PCDHGA10: variants seen among roughly 807,000 people sequenced by gnomAD.
The protein encoded by PCDHGA10 is protocadherin gamma subfamily A, 10.
PCDHGA10 carries 42 observed loss-of-function variants against 59.5 expected under a neutral mutation model. The observed-to-expected ratio is 0.71, with a 90% confidence interval of 0.55 to 0.91. The LOEUF (loss-of-function observed/expected upper bound fraction) is 0.91, where lower values mean the gene tolerates loss of function less well. Ranked by LOEUF, PCDHGA10 falls within the 40% of genes least tolerant of loss-of-function variation. The pLI, the probability that PCDHGA10 is intolerant of heterozygous loss-of-function variation, is 0.00. For synonymous variants in PCDHGA10, 511 were observed against 517.2 expected (o/e 0.99, Z 0.16); for missense variants, 1,111 against 1,198.2 (o/e 0.93, Z 1.07).
intron 2 of PCDHGA10, among the ~76,000 whole-genome samples, chr5:141,502,787 G>T (rs2099816081): frequency 6.6e-6 from 1 of 151,394 alleles, no homozygotes; most frequent in African/African-American, 2.4e-5. Flanking sequence ...TTACCTGGAT[G>T]ATTTCTTCAG....
At position 141,489,590 on chromosome 5, in the gene PCDHGA10, T is replaced by C; in HGVS notation, c.2437-5217T>C. The C allele has an allele frequency of 6.2e-7, 1 of 1,614,044 alleles. No homozygotes were observed. Among genetic ancestry groups the C allele is most frequent in the Non-Finnish European group, 8.5e-7 (1 of 1,179,984 alleles). ...GTGACTGAACACCCCCTGGAGCTAA[T>C]CCGTGTAGAGGTAGAGATCCTGGAT... On this transcript the variant is annotated intron_variant, in intron 1 of 3. Transcript: ENST00000398610. The surrounding 1 kb of genome is among the most constrained non-coding windows in gnomAD (Gnocchi z 4.5).
chr5:141,436,406 G>T (rs1403133377), intron 1 of PCDHGA10, among the ~76,000 whole-genome samples: 3 of 152,308 alleles, frequency 2.0e-5, no homozygotes, highest in East Asian at 3.9e-4. Context: ...GTTGTTGAAT[G>T]AATGGATAAA....
intron 1 of PCDHGA10, among the ~76,000 whole-genome samples, chr5:141,474,643 CCTTA>C (rs1474125632): frequency 1.3e-5 from 2 of 152,134 alleles, no homozygotes; most frequent in Admixed American, 1.3e-4. Flanking sequence ...TCCTATATAT[CCTTA>C]CTTCTTTTCT....
At chr5:141,501,869 C>G (rs1595765055) in intron 2 of PCDHGA10, among the ~76,000 whole-genome samples, 1 of 152,130 alleles carries the variant, frequency 6.6e-6, no homozygotes, top group Non-Finnish European at 1.5e-5. Context: ...CCCAGGACGC[C>G]TCCTTACACT....
At chr5:141,488,439 C>G (rs2099675441) in intron 1 of PCDHGA10, among the ~76,000 whole-genome samples, 1 of 152,206 alleles carries the variant, frequency 6.6e-6, no homozygotes, top group African/African-American at 2.4e-5. Context: ...TCTGACCACC[C>G]TCCTGGGTGA....
rs1596259997 is a variant in PCDHGA10, at chr5:141,509,990, A to G, written c.2585-957A>G. Among the ~76,000 whole-genome samples the G allele has an allele frequency of 2.6e-5, 4 of 152,266 alleles. No individual in the cohort carries two copies. The South Asian group carries it at 8.3e-4, about 32-fold the overall frequency. ...GGTCCTTCTAACACTTGGTTCCCTC[A>G]TCTGTAAAATGAGGGTCATACCACA... is the stretch of plus-strand genomic sequence containing the variant. On this transcript the variant is annotated intron_variant, in intron 3 of 3. Transcript: ENST00000398610.
At chr5:141,420,210 A>T (rs1415966611) in intron 1 of PCDHGA10, 1 of 1,612,612 alleles carries the variant, frequency 6.2e-7, no homozygotes, top group East Asian at 2.2e-5. Flanking sequence ...CTCAACAAAG[A>T]TAGCATGCTA....
At chr5:141,420,006 G>C (rs2096458103) in intron 1 of PCDHGA10, 2 of 1,613,934 alleles carry the variant, frequency 1.2e-6, no homozygotes, top group Admixed American at 3.3e-5. Flanking sequence ...CTACGCCTGC[G>C]ACAGTCTTTC....
Position 141,454,981 on chromosome 5 carries a change from A to T in PCDHGA10, c.2436+39370A>T, listed in dbSNP as rs528657512. 9.9e-3 allele frequency among the ~76,000 whole-genome samples: 1,486 copies of T among 150,680 alleles called. 32 individuals carry two copies. Among genetic ancestry groups the T allele is most frequent in the African/African-American group, 0.034 (1,392 of 41,092 alleles). On this transcript the variant is annotated intron_variant, in intron 1 of 3. Coordinates refer to ENST00000398610, the MANE Select transcript of PCDHGA10 (RefSeq NM_018913.3). ...GGCCACCACGCCTGGCTAATTTTTTAAAAAATATTTTTAGTAGAGACGGGG... is the reference window on the plus strand; with the variant it reads ...GGCCACCACGCCTGGCTAATTTTTTTAAAAATATTTTTAGTAGAGACGGGG...
chr5:141,485,744 G>T lies in PCDHGA10; in HGVS notation c.2437-9063G>T. 1 of 1,614,226 alleles carries T rather than the reference G, an allele frequency of 6.2e-7. No individual in the cohort carries two copies. Among genetic ancestry groups the T allele is most frequent in the Non-Finnish European group, 8.5e-7 (1 of 1,180,038 alleles). On this transcript the variant is annotated intron_variant, in intron 1 of 3. Transcript: ENST00000398610. The surrounding 1 kb of genome is among the most constrained non-coding windows in gnomAD (Gnocchi z 5.7). ...GAAGAAGCGCAGCGACGGCAGCCTG[G>T]TCCCAGAGCTGCTCCTGGAGAAGCC...
chr5:141,480,887 A>T (rs2099527301), intron 1 of PCDHGA10, among the ~76,000 whole-genome samples: 1 of 152,146 alleles, frequency 6.6e-6, no homozygotes. Flanking sequence ...TCTACTAAAA[A>T]TGCAAACATT....
Position 141,436,047 on chromosome 5 carries a change from T to G in PCDHGA10, c.2436+20436T>G, listed in dbSNP as rs141900903. On this transcript the variant is annotated intron_variant, in intron 1 of 3. Transcript: ENST00000398610. ...ATACTAAATTTGTATTTACATTAGT[T>G]TTCAAATAGAATTTAATAAGTACAG... is the stretch of plus-strand genomic sequence containing the variant. Among the ~76,000 whole-genome samples the G allele has an allele frequency of 1.0e-2, 1,517 of 152,280 alleles. 31 individuals carry two copies. The highest frequency in any genetic ancestry group is 0.034 in the African/African-American group (1,420 of 41,552).
intron 1 of PCDHGA10, among the ~76,000 whole-genome samples, chr5:141,481,259 C>T (rs1176419744): frequency 1.3e-5 from 2 of 152,146 alleles, no homozygotes; most frequent in African/African-American, 4.8e-5. Context: ...TCTAAAAGAT[C>T]ACTGTAGGAA....
chr5:141,425,523 T>C (rs1260519939), intron 1 of PCDHGA10, among the ~76,000 whole-genome samples: 1 of 152,248 alleles, frequency 6.6e-6, no homozygotes, highest in Admixed American at 6.5e-5. Flanking sequence ...TGATGAAACA[T>C]GAAACAATAA....
chr5:141,455,364 G>C (rs2098820282), intron 1 of PCDHGA10, among the ~76,000 whole-genome samples: 1 of 152,252 alleles, frequency 6.6e-6, no homozygotes, highest in South Asian at 2.1e-4. Flanking sequence ...TAGGCAAGAA[G>C]GAAGGGAGAA....
At chr5:141,501,402 G>A (rs527659990) in intron 2 of PCDHGA10, among the ~76,000 whole-genome samples, 5 of 151,740 alleles carry the variant, frequency 3.3e-5, no homozygotes, top group Non-Finnish European at 7.4e-5. Flanking sequence ...ACAGGCCACT[G>A]CTTGGAAAAT....
At position 141,486,785 on chromosome 5, in the gene PCDHGA10, C is replaced by T. The variant is rs763174232; in HGVS notation, c.2437-8022C>T. 1.2e-5 allele frequency: 20 copies of T among 1,614,102 alleles called. No homozygotes were observed. The highest frequency in any genetic ancestry group is 5.3e-5 in the African/African-American group (4 of 74,936). On this transcript the variant is annotated intron_variant, in intron 1 of 3. Transcript: ENST00000398610. This position sits in a 1 kb window ranked among gnomAD's most constrained non-coding sequence, Gnocchi z 5.0. ...GACACTGCAGTTTGAGGTGCAGGCC[C>T]GGGATCGGGGCAACCCACCCCTTAG...
rs1245475147 is a variant in PCDHGA10, at chr5:141,415,312, A to G, written c.2137A>G (p.Ile713Val). 1 of 1,614,222 alleles carries G rather than the reference A, an allele frequency of 6.2e-7. No individual in the cohort carries two copies. Among genetic ancestry groups the G allele is most frequent in the Non-Finnish European group, 8.5e-7 (1 of 1,180,038 alleles). ...AVSCVFLAFVIVLLAHRLRRW... is the reference protein window; with the variant it reads ...AVSCVFLAFVVVLLAHRLRRW... ...CTCCTGCGTCTTCCTGGCCTTCGTC[A>G]TCGTGCTGCTGGCGCACAGGCTGCG... The change falls in exon 1 of 4, where the codon ATC (isoleucine) becomes GTC (valine). Residue 713 changes from isoleucine to valine, a missense_variant. Physicochemically the swap from Ile to Val is conservative, Grantham distance 29 (BLOSUM62 3). Coordinates refer to ENST00000398610, the MANE Select transcript of PCDHGA10 (RefSeq NM_018913.3).
At chr5:141,415,738 AGGTTTTT>A in intron 1 of PCDHGA10, 127 bp downstream of exon 1, 2 of 538,082 alleles carry the variant, frequency 3.7e-6, no homozygotes, top group Non-Finnish European at 5.4e-6. Flanking sequence ...ATGTTTATTA[AGGTTTTT>A]TTTTTTTTTT....
Sources: gnomAD v4.1 joint callset for allele counts (sites outside exome capture counted in the v4.1 genomes callset) on GRCh38, gnomAD v4.1.1 for gene constraint, Gnocchi (gnomAD v3.1) non-coding constraint, MANE v1.5 for transcripts, NCBI Gene and HGNC (gene_info 2026-07-23, HGNC 2026-07-21) for gene names.